Variants in JAZF1 observed in about 807,000 individuals in gnomAD.
The protein encoded by JAZF1 is JAZF zinc finger 1, also known as juxtaposed with another zinc finger protein 1.
A neutral mutation model predicts 26.4 loss-of-function variants in JAZF1; 8 were observed. The observed-to-expected ratio is 0.30, with a 90% CI of 0.18 to 0.55. The LOEUF is 0.55. Among genes scored for constraint, JAZF1 ranks in the 20% least tolerant of loss-of-function variants. The probability of loss-of-function intolerance (pLI) is 0.94; values close to 1 mark genes in which losing one functional copy is unlikely to be tolerated. For missense variants in JAZF1, 199 were observed against 322.0 expected (o/e 0.62, Z 2.92); for synonymous variants, 126 against 122.3 (o/e 1.03, Z -0.20).
chr7:28,009,832 ATGT>A (rs1315599575), intron 1 of JAZF1, among the ~76,000 whole-genome samples: 1 of 152,210 alleles, frequency 6.6e-6, no homozygotes, highest in African/African-American at 2.4e-5. Context: ...CATTAAATTG[ATGT>A]TGTCACTGAC....
At chr7:27,898,958 C>T (rs79201769) in intron 2 of JAZF1, among the ~76,000 whole-genome samples, 2,773 of 152,198 alleles carry the variant, frequency 0.018, 46 homozygotes, top group Non-Finnish European at 0.029. Flanking sequence ...CACACACACC[C>T]ACACCACCCG....
intron 1 of JAZF1, among the ~76,000 whole-genome samples, chr7:28,154,778 CATT>C (rs1464677715): frequency 1.3e-5 from 2 of 151,378 alleles, no homozygotes; most frequent in African/African-American, 4.9e-5. Flanking sequence ...TCTGTAACAT[CATT>C]GATTATAAAT....
chr7:28,096,914 C>G (rs553901798), intron 1 of JAZF1, among the ~76,000 whole-genome samples: 13 of 152,224 alleles, frequency 8.5e-5, no homozygotes, highest in African/African-American at 3.1e-4. Context: ...AAATTCAAGC[C>G]TAATTACTAA....
chr7:27,927,583 A>C (rs1166662170), intron 2 of JAZF1, among the ~76,000 whole-genome samples: 1 of 152,164 alleles, frequency 6.6e-6, no homozygotes, highest in Non-Finnish European at 1.5e-5. Flanking sequence ...GTGAGATTTT[A>C]ATGCCTCCCT....
At chr7:27,942,805 A>C (rs1442204594) in intron 2 of JAZF1, among the ~76,000 whole-genome samples, 1 of 152,182 alleles carries the variant, frequency 6.6e-6, no homozygotes, top group African/African-American at 2.4e-5. Context: ...AATCAACAAT[A>C]AGTGCCTTTT....
chr7:28,010,038 T>C (rs1024163078), intron 1 of JAZF1, among the ~76,000 whole-genome samples: 1 of 152,178 alleles, frequency 6.6e-6, no homozygotes, highest in Admixed American at 6.5e-5. Context: ...TCTAGTTCTC[T>C]ACATGCCCCC....
At chr7:27,900,275 T>C (rs1784144286) in intron 2 of JAZF1, among the ~76,000 whole-genome samples, 1 of 152,242 alleles carries the variant, frequency 6.6e-6, no homozygotes, top group Non-Finnish European at 1.5e-5. Flanking sequence ...ACAGCCGTTA[T>C]TAAAAACTAA....
intron 1 of JAZF1, among the ~76,000 whole-genome samples, chr7:28,111,117 A>G (rs111600126): frequency 1.4e-3 from 217 of 152,294 alleles, no homozygotes; most frequent in Middle Eastern, 0.01. Flanking sequence ...ATCTTGGTCT[A>G]TTTTATGCTT....
chr7:28,049,935 T>C (rs1783582431), intron 1 of JAZF1, among the ~76,000 whole-genome samples: 1 of 152,084 alleles, frequency 6.6e-6, no homozygotes, highest in Admixed American at 6.6e-5. Flanking sequence ...CTTCATCACA[T>C]CGGCATGATT....
intron 1 of JAZF1, among the ~76,000 whole-genome samples, chr7:28,088,574 T>C (rs76635500): frequency 0.044 from 6,658 of 152,294 alleles, 189 homozygotes; most frequent in Non-Finnish European, 0.066. Context: ...GTCAGAGATG[T>C]GTGTGATGAA....
At chr7:28,002,568 G>A (rs1782621211) in intron 1 of JAZF1, among the ~76,000 whole-genome samples, 1 of 152,144 alleles carries the variant, frequency 6.6e-6, no homozygotes, top group Non-Finnish European at 1.5e-5. Flanking sequence ...AAATTAGCAA[G>A]CATGTTAAGT....
intron 2 of JAZF1, among the ~76,000 whole-genome samples, chr7:27,902,523 C>T (rs927980955): frequency 1.3e-5 from 2 of 152,166 alleles, no homozygotes; most frequent in Non-Finnish European, 2.9e-5. Context: ...CTGATCCATG[C>T]CCTGCTAGCT....
chr7:27,864,904 A>T (rs12531907), intron 3 of JAZF1, among the ~76,000 whole-genome samples: 24,709 of 152,074 alleles, frequency 0.16, 2,259 homozygotes, highest in Middle Eastern at 0.24. Context: ...AATTTACTAT[A>T]AAGTTTTTCT....
intron 1 of JAZF1, among the ~76,000 whole-genome samples, chr7:28,057,153 G>C (rs1306406103): frequency 6.6e-6 from 1 of 152,082 alleles, no homozygotes; most frequent in Non-Finnish European, 1.5e-5. Flanking sequence ...ACCTGATAGG[G>C]GCTAGGCTGA....
chr7:27,834,947 A>T (rs1782776463), intron 4 of JAZF1, among the ~76,000 whole-genome samples: 2 of 152,260 alleles, frequency 1.3e-5, no homozygotes, highest in Admixed American at 1.3e-4. Flanking sequence ...TTCAACTTTA[A>T]TATGGTGGAA....
At chr7:27,846,546 T>C (rs749474755) in intron 3 of JAZF1, 1 of 471,144 alleles carries the variant, frequency 2.1e-6, no homozygotes, top group Non-Finnish European at 4.4e-6. Context: ...TGATCTCATT[T>C]TCTGTAGGTA....
intron 3 of JAZF1, among the ~76,000 whole-genome samples, chr7:27,849,040 A>T (rs554890271): frequency 6.6e-6 from 1 of 152,266 alleles, no homozygotes; most frequent in East Asian, 1.9e-4. Flanking sequence ...AGGGTAAGGG[A>T]TGTGCCACAG....
chr7:28,110,409 G>A (rs1470050902), intron 1 of JAZF1, among the ~76,000 whole-genome samples: 2 of 147,540 alleles, frequency 1.4e-5, no homozygotes, highest in Non-Finnish European at 3.0e-5. Flanking sequence ...CTGGGCGACA[G>A]AGTGAGACTC....
At chr7:28,179,097 G>A (rs1020276851) in intron 1 of JAZF1, among the ~76,000 whole-genome samples, 7 of 152,202 alleles carry the variant, frequency 4.6e-5, no homozygotes, top group Admixed American at 6.5e-5. Flanking sequence ...TTGTAGAAAC[G>A]TGAGCTGCAT....
Sources: gnomAD v4.1 joint callset for allele counts (sites outside exome capture counted in the v4.1 genomes callset) on GRCh38, gnomAD v4.1.1 for gene constraint, MANE v1.5 for transcripts, NCBI Gene and HGNC (gene_info 2026-07-23, HGNC 2026-07-21) for gene names.